Variants in TBC1D2B observed in about 807,000 individuals in gnomAD.
TBC1D2B encodes TBC1 domain family member 2B.
Under a neutral mutation model 100.8 loss-of-function variants are expected in TBC1D2B, and 64 were observed. The observed-to-expected ratio is 0.64, with a 90% confidence interval of 0.52 to 0.78. TBC1D2B has a LOEUF of 0.78. Ranked by LOEUF, TBC1D2B falls within the 30% of genes least tolerant of loss-of-function variation. TBC1D2B has a pLI of 0.00. For missense variants in TBC1D2B, 1,052 were observed against 1,218.4 expected (o/e 0.86, Z 2.03); for synonymous variants, 480 against 479.7 (o/e 1.00, Z -0.01).
intron 2 of TBC1D2B, among the ~76,000 whole-genome samples, chr15:78,048,831 A>G (rs1338596542): frequency 6.6e-6 from 1 of 152,208 alleles, no homozygotes; most frequent in East Asian, 1.9e-4. Flanking sequence ...CTGCTGTCTC[A>G]GTCAGGCCTA....
intron 1 of TBC1D2B, chr15:78,066,209 G>A (rs1375424331): frequency 2.6e-6 from 1 of 385,138 alleles, no homozygotes; most frequent in Non-Finnish European, 5.5e-6. Flanking sequence ...TGGAGAATTG[G>A]GCCAAAAGCC....
intron 11 of TBC1D2B, chr15:78,002,431 C>T (rs1197792615): frequency 6.6e-6 from 1 of 151,826 alleles, no homozygotes; most frequent in Admixed American, 6.6e-5. Flanking sequence ...ATCCACCCAC[C>T]TCGGCCTCCC....
At chr15:78,025,088 G>A (rs542687617) in intron 5 of TBC1D2B, among the ~76,000 whole-genome samples, 171 bp downstream of exon 5, 2 of 152,174 alleles carry the variant, frequency 1.3e-5, no homozygotes, top group Non-Finnish European at 2.9e-5. Flanking sequence ...ATCAAGCACA[G>A]CAGCTGTGCC....
At chr15:78,054,923 A>C (rs757870913) in intron 1 of TBC1D2B, among the ~76,000 whole-genome samples, 26 of 152,210 alleles carry the variant, frequency 1.7e-4, no homozygotes, top group Admixed American at 2.6e-4. Context: ...TGCCAAAAAA[A>C]ATGAGAACTT....
chr15:78,003,013 G>A (rs1189694097), intron 11 of TBC1D2B: 1 of 287,612 alleles, frequency 3.5e-6, no homozygotes, highest in Non-Finnish European at 6.8e-6. Flanking sequence ...CATATGATGG[G>A]GTAACACCAC....
intron 1 of TBC1D2B, among the ~76,000 whole-genome samples, chr15:78,057,342 CA>C (rs946995888): frequency 4.7e-5 from 7 of 148,234 alleles, no homozygotes; most frequent in East Asian, 2.0e-4. Flanking sequence ...TGTTTCCTTT[CA>C]AAAAAAAAAC....
At chr15:78,012,166 C>T (rs181924376) in intron 9 of TBC1D2B, among the ~76,000 whole-genome samples, 10 of 152,322 alleles carry the variant, frequency 6.6e-5, no homozygotes, top group South Asian at 2.1e-4. Flanking sequence ...GCAGAAAGCG[C>T]GCCAGCCAGG....
intron 1 of TBC1D2B, among the ~76,000 whole-genome samples, chr15:78,066,446 A>G (rs1432661236): frequency 2.0e-5 from 3 of 152,204 alleles, no homozygotes; most frequent in African/African-American, 7.2e-5. Context: ...GGGAAGCCAC[A>G]GAGATCTGCA....
At chr15:78,016,432 G>A in intron 8 of TBC1D2B, 114 bp downstream of exon 8, 1 of 962,248 alleles carries the variant, frequency 1.0e-6, no homozygotes, top group South Asian at 1.6e-5. Context: ...CATTTGTCAT[G>A]AGCACCAAAT....
At chr15:78,034,441 C>A (rs1165652534) in intron 3 of TBC1D2B, 2 of 966,286 alleles carry the variant, frequency 2.1e-6, no homozygotes, top group African/African-American at 1.8e-5. Flanking sequence ...GTGACTACCA[C>A]CACCGTCAAT....
chr15:78,015,606 G>A (rs775646047), intron 8 of TBC1D2B, among the ~76,000 whole-genome samples: 2 of 152,168 alleles, frequency 1.3e-5, no homozygotes, highest in Admixed American at 6.5e-5. Flanking sequence ...CTGGGAACCC[G>A]ACTATCCAGG....
chr15:78,042,982 G>A (rs1216507041), intron 3 of TBC1D2B, among the ~76,000 whole-genome samples: 1 of 152,148 alleles, frequency 6.6e-6, no homozygotes, highest in African/African-American at 2.4e-5. Flanking sequence ...CCAGGATGAG[G>A]AAGGAAGGCA....
intron 3 of TBC1D2B, among the ~76,000 whole-genome samples, chr15:78,043,779 C>T (rs1217431041): frequency 6.6e-6 from 1 of 152,114 alleles, no homozygotes; most frequent in African/African-American, 2.4e-5. Flanking sequence ...GTAATCCCAG[C>T]ACTTTGGGAG....
At chr15:78,001,149 C>T (rs1034856072) in intron 12 of TBC1D2B, among the ~76,000 whole-genome samples, 1 of 152,340 alleles carries the variant, frequency 6.6e-6, no homozygotes, top group Middle Eastern at 3.4e-3. Context: ...TCCTGAAGGA[C>T]CCCCTGTCCC....
At chr15:78,047,116 G>C (rs569980115) in intron 2 of TBC1D2B, among the ~76,000 whole-genome samples, 1 of 152,014 alleles carries the variant, frequency 6.6e-6, no homozygotes, top group African/African-American at 2.4e-5. Context: ...AAAGCAAGAC[G>C]GTGTGCTGGG....
In TBC1D2B at chr15:78,013,153, C is replaced by G. The variant is rs774154833; in HGVS notation, c.1940G>C (p.Arg647Thr). ...WENYFASTVN[R>T]EMMCSPELKN... ...TAACTCTGGAGAGCACATCATCTCC[C>G]TGTTCACTGTACTTGCAAAATAGTT... Residue 647 changes from arginine to threonine, a missense_variant, in exon 9 of 13, where the codon AGG becomes ACG. By Grantham distance (71) the Arg-to-Thr change is moderately conservative (BLOSUM62 -1). This residue lies in a region of TBC1D2B where 373 missense variants were observed against 464.9 expected (regional missense o/e 0.80). Transcript: ENST00000300584. 2 of 1,613,972 alleles carry G rather than the reference C, an allele frequency of 1.2e-6. No individual in the cohort carries two copies. The highest frequency in any genetic ancestry group is 2.2e-5 in the South Asian group (2 of 91,070).
chr15:78,032,587 G>C (rs2072843117), intron 3 of TBC1D2B, among the ~76,000 whole-genome samples: 1 of 150,136 alleles, frequency 6.7e-6, no homozygotes. Context: ...TAGCAGACAG[G>C]GACTCTAAAA....
chr15:78,040,511 T>C (rs991932782), intron 3 of TBC1D2B, among the ~76,000 whole-genome samples: 1 of 148,182 alleles, frequency 6.7e-6, no homozygotes, highest in African/African-American at 2.5e-5. Context: ...ATCATGCCAC[T>C]ACACTCCAGC....
intron 3 of TBC1D2B, among the ~76,000 whole-genome samples, chr15:78,031,529 G>A (rs2072808105): frequency 8.6e-6 from 1 of 115,708 alleles, no homozygotes; most frequent in South Asian, 2.9e-4. Flanking sequence ...ACTCCAGCCT[G>A]GGCGATAGAG....
Sources: allele counts gnomAD v4.1 joint callset (sites outside exome capture counted in the v4.1 genomes callset), GRCh38; gene constraint gnomAD v4.1.1; regional missense constraint gnomAD v4.1.1; transcripts MANE v1.5; gene names NCBI Gene and HGNC (gene_info 2026-07-23, HGNC 2026-07-21).